KIRREL3: variants seen among roughly 807,000 people sequenced by gnomAD.
The protein encoded by KIRREL3 is kirre like nephrin family adhesion molecule 3.
In KIRREL3, 36 loss-of-function variants were observed where a neutral mutation model predicts 89.7. The ratio of observed to expected loss-of-function variants is 0.40; its 90% CI spans 0.31 to 0.53. The LOEUF (loss-of-function observed/expected upper bound fraction) is 0.53, where lower values mean the gene tolerates loss of function less well. Ranked by LOEUF, KIRREL3 falls within the 20% of genes least tolerant of loss-of-function variation. The pLI, the probability that KIRREL3 is intolerant of heterozygous loss-of-function variation, is 0.49. For synonymous variants in KIRREL3, 445 were observed against 441.4 expected (o/e 1.01, Z -0.10); for missense variants, 864 against 1,056.6 (o/e 0.82, Z 2.53).
chr11:126,450,977 GTGTGCATGTGTCAA>G (rs1218705841), intron 7 of KIRREL3, among the ~76,000 whole-genome samples: 3 of 151,458 alleles, frequency 2.0e-5, no homozygotes, highest in African/African-American at 7.3e-5. Context: ...ATGCATGGGT[GTGTGCATGTGTCAA>G]TGTGCATGTG....
intron 2 of KIRREL3, among the ~76,000 whole-genome samples, chr11:126,532,146 C>T (rs1591689707): frequency 6.6e-6 from 1 of 152,276 alleles, no homozygotes; most frequent in African/African-American, 2.4e-5. Flanking sequence ...TAATTAACCA[C>T]ATTTTATAGA....
At chr11:126,590,250 A>T (rs7939537) in intron 1 of KIRREL3, among the ~76,000 whole-genome samples, 540 of 142,530 alleles carry the variant, frequency 3.8e-3, no homozygotes, top group African/African-American at 0.014. Context: ...TTCCAGATGT[A>T]GCCTGATCAA....
intron 1 of KIRREL3, among the ~76,000 whole-genome samples, chr11:126,949,320 G>A (rs1228650558): frequency 1.3e-5 from 2 of 152,146 alleles, no homozygotes; most frequent in Non-Finnish European, 2.9e-5. Context: ...CTTCTGTCAG[G>A]GGGAGGTAGA....
In KIRREL3 at chr11:126,684,604, CA is replaced by C. The variant is rs1946597867; in HGVS notation, c.56-121693del. Among the ~76,000 whole-genome samples, 2 of 152,050 alleles carry C rather than the reference CA, an allele frequency of 1.3e-5. No homozygotes were observed. The highest frequency in any genetic ancestry group is 4.1e-4 in the South Asian group (2 of 4,822). On this transcript the variant is annotated intron_variant, in intron 1 of 16. Coordinates refer to ENST00000525144, the MANE Select transcript of KIRREL3 (RefSeq NM_032531.4). The surrounding 1 kb of genome is among the most constrained non-coding windows in gnomAD (Gnocchi z 4.2). ...CAGTCAGAATCGACTCACTGATGAT[CA>C]AAAAAGAGAGGACACTTAGAATTAA...
intron 1 of KIRREL3, among the ~76,000 whole-genome samples, chr11:126,842,339 T>C (rs1565343985): frequency 6.6e-6 from 1 of 152,152 alleles, no homozygotes; most frequent in Non-Finnish European, 1.5e-5. Flanking sequence ...TGTAACTCTC[T>C]TTGCCATGAA....
intron 1 of KIRREL3, among the ~76,000 whole-genome samples, chr11:126,634,844 T>C (rs1001379685): frequency 6.6e-6 from 1 of 152,172 alleles, no homozygotes; most frequent in African/African-American, 2.4e-5. Context: ...CGGAGGCCCT[T>C]GCTGGTGCTC....
chr11:126,949,798 G>A (rs1240747654), intron 1 of KIRREL3, among the ~76,000 whole-genome samples: 6 of 152,172 alleles, frequency 3.9e-5, no homozygotes, highest in Non-Finnish European at 7.3e-5. Context: ...AAGAATGGCA[G>A]GAACCACCCA....
chr11:126,445,228 A>G, intron 9 of KIRREL3, 123 bp from the exon 10 acceptor site: 1 of 1,293,350 alleles, frequency 7.7e-7, no homozygotes, highest in South Asian at 1.4e-5. Context: ...TCTCAGTAGG[A>G]AGCAAGGTGG....
chr11:126,854,046 T>C lies in KIRREL3; in HGVS notation c.55+146409A>G, dbSNP rs572428758. ...GGGAAAAGGGTTCTCCAGTCTTGAT[T>C]GTGGATCTTTTTTTTTTCTTTTTAG... On this transcript the variant is annotated intron_variant, in intron 1 of 16. Coordinates refer to ENST00000525144, the MANE Select transcript of KIRREL3 (RefSeq NM_032531.4). Among the ~76,000 whole-genome samples, 10 of 152,174 alleles carry C rather than the reference T, an allele frequency of 6.6e-5. No homozygotes were observed. In the South Asian group the frequency reaches 2.1e-3, roughly 32 times the overall value.
rs1316285615 is a variant in KIRREL3, at chr11:126,723,537, A to G, written c.56-160625T>C. Among the ~76,000 whole-genome samples, 1 of 152,242 alleles carries G rather than the reference A, an allele frequency of 6.6e-6. No individual in the cohort carries two copies. Among genetic ancestry groups the G allele is most frequent in the African/African-American group, 2.4e-5 (1 of 41,468 alleles). On this transcript the variant is annotated intron_variant, in intron 1 of 16. Coordinates refer to ENST00000525144, the MANE Select transcript of KIRREL3 (RefSeq NM_032531.4). This position sits in a 1 kb window ranked among gnomAD's most constrained non-coding sequence, Gnocchi z 4.0. ...CCTCACACCTCCCTTAGTAGGCAAG[A>G]AAGCATTTCCTAAACCCTTCTCCTC...
chr11:126,790,917 C>A (rs1019663563), intron 1 of KIRREL3, among the ~76,000 whole-genome samples: 17 of 152,272 alleles, frequency 1.1e-4, no homozygotes, highest in African/African-American at 3.9e-4. Flanking sequence ...TAAACAAGAA[C>A]AATGCCTATT....
chr11:126,871,049 A>G (rs1324417841), intron 1 of KIRREL3, among the ~76,000 whole-genome samples: 2 of 152,192 alleles, frequency 1.3e-5, no homozygotes, highest in Non-Finnish European at 2.9e-5. Context: ...AAGAGCATCC[A>G]CGGAGCCTCT....
At position 126,797,330 on chromosome 11, in the gene KIRREL3, A is replaced by G. The variant is rs147606711; in HGVS notation, c.55+203125T>C. ...TTTCAAAGAGCTGTGTTGAGCATCA[A>G]ATGCATCTGATTCTCAGCGTAATAT... is the stretch of plus-strand genomic sequence containing the variant. On this transcript the variant is annotated intron_variant, in intron 1 of 16. Transcript: ENST00000525144. The surrounding 1 kb of genome is among the most constrained non-coding windows in gnomAD (Gnocchi z 4.9). 1.9e-3 allele frequency among the ~76,000 whole-genome samples: 293 copies of G among 152,330 alleles called. 1 individual carries two copies. Among genetic ancestry groups the G allele is most frequent in the African/African-American group, 6.8e-3 (281 of 41,578 alleles).
rs1950285019 is a variant in KIRREL3, at chr11:126,780,166, A to G, written c.56-217254T>C. On this transcript the variant is annotated intron_variant, in intron 1 of 16. Transcript: ENST00000525144. The surrounding 1 kb of genome is among the most constrained non-coding windows in gnomAD (Gnocchi z 5.3). ...GGGAGAGACAAGCGGGGAGAAATTC[A>G]GGTTCAATGAAAGGAAAACAGGAAA... Among the ~76,000 whole-genome samples, 1 of 152,194 alleles carries G rather than the reference A, an allele frequency of 6.6e-6. No individual in the cohort carries two copies. The highest frequency in any genetic ancestry group is 1.5e-5 in the Non-Finnish European group (1 of 68,034).
rs1045446458 is a variant in KIRREL3, at chr11:126,812,792, A to T, written c.55+187663T>A. ...TGCATTTCAATCAACTTCTACAATG[A>T]TCCAATTTCTGGGTCTGGCTCTGTT... is the stretch of plus-strand genomic sequence containing the variant. On this transcript the variant is annotated intron_variant, in intron 1 of 16. Transcript: ENST00000525144. The surrounding 1 kb of genome is among the most constrained non-coding windows in gnomAD (Gnocchi z 5.2). Among the ~76,000 whole-genome samples the T allele has an allele frequency of 3.3e-5, 5 of 152,242 alleles. No homozygotes were observed. Among genetic ancestry groups the T allele is most frequent in the Non-Finnish European group, 4.4e-5 (3 of 68,020 alleles).
At chr11:126,746,451 GA>G (rs895336124) in intron 1 of KIRREL3, among the ~76,000 whole-genome samples, 59 of 152,098 alleles carry the variant, frequency 3.9e-4, no homozygotes, top group African/African-American at 1.4e-3. Context: ...CTGTGGCCAT[GA>G]CCACCCCTGT....
intron 1 of KIRREL3, among the ~76,000 whole-genome samples, chr11:126,966,661 G>A (rs199873655): frequency 6.6e-6 from 1 of 152,108 alleles, no homozygotes; most frequent in East Asian, 1.9e-4. Flanking sequence ...GGAGGTGGCT[G>A]GGTGCTTTGA....
rs1217888160 is a variant in KIRREL3 at position 126,597,142 on chromosome 11, G to A, written c.56-34230C>T. 2.6e-5 allele frequency among the ~76,000 whole-genome samples: 4 copies of A among 152,186 alleles called. No homozygotes were observed. The South Asian group carries it at 6.2e-4, about 24-fold the overall frequency. On this transcript the variant is annotated intron_variant, in intron 1 of 16. Transcript: ENST00000525144. Reference sequence around the variant, plus strand: ...CCCTTTGGAGGGCCGTTCCCAGCACGAGTTACCCAGAACTACCCACCCAAT... The same window carrying A: ...CCCTTTGGAGGGCCGTTCCCAGCACAAGTTACCCAGAACTACCCACCCAAT...
At chr11:126,973,099 GGAAAA>G (rs1949476034) in intron 1 of KIRREL3, among the ~76,000 whole-genome samples, 1 of 41,138 alleles carries the variant, frequency 2.4e-5, no homozygotes, top group African/African-American at 8.7e-5. Context: ...TAAGTTTTGA[GGAAAA>G]AAAAAAAAAA....
Sources: gnomAD v4.1 joint callset for allele counts (sites outside exome capture counted in the v4.1 genomes callset) on GRCh38, gnomAD v4.1.1 for gene constraint, Gnocchi (gnomAD v3.1) non-coding constraint, MANE v1.5 for transcripts, NCBI Gene and HGNC (gene_info 2026-07-23, HGNC 2026-07-21) for gene names.